The following PRKCQ variants were observed in gnomAD, a reference collection of about 807,000 sequenced individuals.
PRKCQ encodes the protein protein kinase C theta, also known as protein kinase C theta type.
A neutral mutation model predicts 91.2 loss-of-function variants in PRKCQ; 41 were observed. The observed-to-expected ratio is 0.45, with a 90% CI of 0.35 to 0.58. The LOEUF is 0.58. PRKCQ is among the 20% of genes least tolerant of loss of function. PRKCQ has a pLI of 0.00. For missense variants in PRKCQ, 673 were observed against 896.5 expected (o/e 0.75, Z 3.18); for synonymous variants, 307 against 316.9 (o/e 0.97, Z 0.33).
At chr10:6,482,598 G>A (rs949072987) in intron 11 of PRKCQ, among the ~76,000 whole-genome samples, 7 of 152,168 alleles carry the variant, frequency 4.6e-5, no homozygotes, top group South Asian at 2.1e-4. Flanking sequence ...ATGAATTTCT[G>A]CTGTTTAAGC....
chr10:6,470,893 T>C (rs1588710514), intron 12 of PRKCQ, among the ~76,000 whole-genome samples: 1 of 150,024 alleles, frequency 6.7e-6, no homozygotes, highest in African/African-American at 2.5e-5. Flanking sequence ...GGAGGTTGTA[T>C]TGAGCCGCCT....
chr10:6,534,780 A>ATC (rs1564379006), intron 1 of PRKCQ, among the ~76,000 whole-genome samples: 105 of 140,280 alleles, frequency 7.5e-4, no homozygotes, highest in African/African-American at 3.0e-3. Flanking sequence ...ATATCTATAT[A>ATC]TATATATATA....
In PRKCQ at chr10:6,515,182, A is replaced by C. The variant is rs375610316; in HGVS notation, c.-9-38T>G. 1.4e-5 allele frequency: 23 copies of C among 1,609,192 alleles called. No homozygotes were observed. The African/African-American group carries it at 2.8e-4, about 20-fold the overall frequency. On this transcript the variant is annotated intron_variant, in intron 1 of 17. Coordinates refer to ENST00000263125, the MANE Select transcript of PRKCQ (RefSeq NM_006257.5). ...AAAAGACAAACGCTGTTTGGGGGCT[A>C]TAAAAGATATTATTTTTGGTGCCCC...
intron 16 of PRKCQ, among the ~76,000 whole-genome samples, chr10:6,436,774 C>T (rs1425400514): frequency 3.3e-5 from 5 of 151,058 alleles, no homozygotes; most frequent in Non-Finnish European, 7.4e-5. Flanking sequence ...TTCCAGCACA[C>T]GGCTTTTCAC....
chr10:6,510,958 C>T (rs747291384), intron 3 of PRKCQ, 37 bp downstream of exon 3: 5 of 1,611,834 alleles, frequency 3.1e-6, no homozygotes, highest in South Asian at 2.2e-5. Flanking sequence ...TACCATCATG[C>T]TTATCCCTTA....
At chr10:6,463,425 G>A (rs1270965916) in intron 13 of PRKCQ, among the ~76,000 whole-genome samples, 1 of 152,048 alleles carries the variant, frequency 6.6e-6, no homozygotes, top group Non-Finnish European at 1.5e-5. Context: ...AATTCTTTCC[G>A]GCATGAAAAA....
chr10:6,526,578 C>G (rs1839205615), intron 1 of PRKCQ, among the ~76,000 whole-genome samples: 1 of 152,114 alleles, frequency 6.6e-6, no homozygotes, highest in African/African-American at 2.4e-5. Flanking sequence ...CTGAGTCACA[C>G]AGACAATGGC....
At chr10:6,485,093 G>A (rs1836826881) in intron 10 of PRKCQ, 59 bp downstream of exon 10, 14 of 1,451,268 alleles carry the variant, frequency 9.6e-6, no homozygotes, top group South Asian at 1.2e-5. Flanking sequence ...AGGGCATTAG[G>A]TTAGGGTTAA....
At chr10:6,405,839 T>C in the PRKCQ span, among the ~76,000 whole-genome samples, 5 of 152,184 alleles carry the variant, frequency 3.3e-5, no homozygotes, top group Non-Finnish European at 7.4e-5. Context: ...TGCACCCATG[T>C]GCCCATGGGG....
chr10:6,524,945 A>C (rs1296762295), intron 1 of PRKCQ, among the ~76,000 whole-genome samples: 1 of 152,190 alleles, frequency 6.6e-6, no homozygotes, highest in Non-Finnish European at 1.5e-5. Flanking sequence ...AGTCATAGAA[A>C]TACTGTTTAA....
chr10:6,469,975 T>C (rs1376229326), intron 12 of PRKCQ, among the ~76,000 whole-genome samples: 1 of 152,224 alleles, frequency 6.6e-6, no homozygotes, highest in Admixed American at 6.5e-5. Context: ...TTTCTCCATC[T>C]CTGGCTCAAG....
chr10:6,428,099 T>C lies in PRKCQ; in HGVS notation c.*108A>G. 1 of 1,419,474 alleles carries C rather than the reference T, an allele frequency of 7.0e-7. No individual in the cohort carries two copies. The highest frequency in any genetic ancestry group is 9.8e-7 in the Non-Finnish European group (1 of 1,020,778). The allele number at this position is 1,419,474 out of a possible 1,614,324, so 87.9% of individuals were successfully genotyped here. ...GGCGAACGGGTCTCAGTCTTTATTGTTGAGTGTTTCTTTCTTTTTCCAAGT... is the reference window on the plus strand; with the variant it reads ...GGCGAACGGGTCTCAGTCTTTATTGCTGAGTGTTTCTTTCTTTTTCCAAGT... On this transcript the variant is annotated 3_prime_UTR_variant, in exon 18 of 18. Transcript: ENST00000263125.
chr10:6,467,491 C>T, intron 12 of PRKCQ, among the ~76,000 whole-genome samples: 1 of 151,516 alleles, frequency 6.6e-6, no homozygotes, highest in Non-Finnish European at 1.5e-5. Context: ...GTAAATGTCA[C>T]TTACTAGTCT....
chr10:6,459,674 G>A (rs369324293), intron 14 of PRKCQ, among the ~76,000 whole-genome samples: 1 of 152,216 alleles, frequency 6.6e-6, no homozygotes, highest in Non-Finnish European at 1.5e-5. Flanking sequence ...GACAGATGGG[G>A]GCAAGAGAAG....
the PRKCQ span, among the ~76,000 whole-genome samples, chr10:6,404,597 C>G: frequency 2.1e-5 from 3 of 141,118 alleles, no homozygotes; most frequent in African/African-American, 7.9e-5. Context: ...CTTTTTTTCT[C>G]TCTCTCTTTC....
intron 4 of PRKCQ, among the ~76,000 whole-genome samples, chr10:6,504,267 G>A (rs547315911): frequency 6.6e-6 from 1 of 152,204 alleles, no homozygotes; most frequent in East Asian, 1.9e-4. Flanking sequence ...GTGAAATTTT[G>A]TAGACCAATA....
At chr10:6,498,216 C>T (rs370325657) in intron 5 of PRKCQ, among the ~76,000 whole-genome samples, 180 bp downstream of exon 5, 1 of 152,070 alleles carries the variant, frequency 6.6e-6, no homozygotes, top group Admixed American at 6.5e-5. Flanking sequence ...CTTCCTCATG[C>T]ACCTCTTTTA....
intron 7 of PRKCQ, among the ~76,000 whole-genome samples, chr10:6,494,624 T>C (rs886414892): frequency 3.3e-5 from 5 of 152,168 alleles, no homozygotes; most frequent in Admixed American, 2.0e-4. Flanking sequence ...TGTAACTTCA[T>C]AGACTCTGGG....
At chr10:6,426,081 G>A (rs763628711), downstream of PRKCQ, among the ~76,000 whole-genome samples, 1 of 152,126 alleles carries the variant, frequency 6.6e-6, no homozygotes, top group African/African-American at 2.4e-5. Context: ...TCTGTGTTTT[G>A]GAAAGTGTTG....
Sources: gnomAD v4.1 joint callset for allele counts (sites outside exome capture counted in the v4.1 genomes callset) on GRCh38, gnomAD v4.1.1 for gene constraint, MANE v1.5 for transcripts, NCBI Gene and HGNC (gene_info 2026-07-23, HGNC 2026-07-21) for gene names.